The following PCBP2 variants were observed in gnomAD, a reference collection of about 807,000 sequenced individuals.
PCBP2 encodes the protein poly(rC) binding protein 2.
Under a neutral mutation model 50.1 loss-of-function variants are expected in PCBP2, and 4 were observed. The ratio of observed to expected loss-of-function variants is 0.08; its 90% confidence interval spans 0.04 to 0.18. The LOEUF (loss-of-function observed/expected upper bound fraction) is 0.18, where lower values mean the gene tolerates loss of function less well. PCBP2 is among the 10% of genes least tolerant of loss of function. The probability of loss-of-function intolerance (pLI) is 1.00; values close to 1 mark genes in which losing one functional copy is unlikely to be tolerated. For synonymous variants in PCBP2, 179 were observed against 168.0 expected, an observed-to-expected ratio of 1.07 and a Z score of -0.51; for missense variants, 161 against 474.3, an observed-to-expected ratio of 0.34 and a Z score of 6.14.
Position 53,479,696 on chromosome 12 carries a change from T to G in PCBP2, c.*254T>G. 1 of 387,416 alleles carries G rather than the reference T, an allele frequency of 2.6e-6. No individual in the cohort carries two copies. Among genetic ancestry groups the G allele is most frequent in the Non-Finnish European group, 4.6e-6 (1 of 216,194 alleles). The allele number at this position is 387,416 out of a possible 1,614,324, so 24.0% of individuals were successfully genotyped here. A position where few individuals can be genotyped will look rare whatever the true frequency, so the allele number is the denominator to read the frequency against. On this transcript the variant is annotated 3_prime_UTR_variant, in exon 15 of 15. Coordinates refer to ENST00000546463, the MANE Select transcript of PCBP2 (RefSeq NM_031989.5). ...GTTTTTTTTTTTTGGCTCATGAATT[T>G]TTCTGTTTGTCATGGAAATGTAAGA...
chr12:53,467,556 A>G (rs996953878), intron 11 of PCBP2: 3 of 614,510 alleles, frequency 4.9e-6, no homozygotes, highest in African/African-American at 3.7e-5. Flanking sequence ...GGCAAAGGGT[A>G]GGCTGATATT....
chr12:53,460,357 C>G (rs1316897149), intron 6 of PCBP2: 1 of 389,664 alleles, frequency 2.6e-6, no homozygotes, highest in Admixed American at 3.0e-5. Context: ...TTTGCTCAGG[C>G]TGGTCTCCAA....
chr12:53,467,712 G>C, intron 11 of PCBP2, 93 bp from the exon 12 acceptor site: 4 of 987,238 alleles, frequency 4.1e-6, no homozygotes. Context: ...TTTTTATTTT[G>C]TTTCGTTTTT....
chr12:53,460,253 C>A (rs1013678648), intron 6 of PCBP2: 2 of 233,058 alleles, frequency 8.6e-6, no homozygotes, highest in African/African-American at 4.7e-5. Flanking sequence ...ACCCTCCTAC[C>A]TCAAGCCTCC....
At chr12:53,467,754 G>A (rs377322681) in intron 11 of PCBP2, 51 bp from the exon 12 acceptor site, 79 of 1,447,036 alleles carry the variant, frequency 5.5e-5, no homozygotes, top group Middle Eastern at 1.8e-4. Flanking sequence ...TAACTTGTCC[G>A]ATAGGGTTAG....
At chr12:53,468,467 T>C in intron 12 of PCBP2, 1 of 381,874 alleles carries the variant, frequency 2.6e-6, no homozygotes, top group East Asian at 5.2e-5. Flanking sequence ...AGGACTTGTT[T>C]AGACATTGGT....
Position 53,480,863 on chromosome 12 carries a change from TATTTG to T in PCBP2, c.*1422_*1426del, listed in dbSNP as rs1943006152. On this transcript the variant is annotated 3_prime_UTR_variant, in exon 15 of 15. Transcript: ENST00000546463. Reference sequence around the variant, plus strand: ...CACCGCCCCTCCCCCCACCCCCTATTATTTGGGGATAAAGAATATAAAGACAACCC... The same window carrying T: ...CACCGCCCCTCCCCCCACCCCCTATTGGGATAAAGAATATAAAGACAACCC... The T allele has an allele frequency of 6.6e-6, 1 of 150,594 alleles. No individual in the cohort carries two copies. The highest frequency in any genetic ancestry group is 2.1e-4 in the South Asian group (1 of 4,654). 9.3% of individuals were successfully genotyped at this position (150,594 alleles called of 1,614,324 possible).
intron 14 of PCBP2, among the ~76,000 whole-genome samples, chr12:53,474,585 G>A (rs1942449883): frequency 6.6e-6 from 1 of 152,212 alleles, no homozygotes; most frequent in Admixed American, 6.5e-5. Flanking sequence ...TTGGGTCAGT[G>A]TGTCAGATAC....
chr12:53,463,346 G>A (rs1941585607), intron 8 of PCBP2, among the ~76,000 whole-genome samples: 1 of 152,174 alleles, frequency 6.6e-6, no homozygotes, highest in Non-Finnish European at 1.5e-5. Context: ...TATTTGAGGA[G>A]TAGGTAGATC....
At chr12:53,471,846 C>G in intron 14 of PCBP2, 39 bp downstream of exon 14, 3 of 1,575,236 alleles carry the variant, frequency 1.9e-6, no homozygotes, top group Non-Finnish European at 2.6e-6. Context: ...TATGCCAACA[C>G]AGTAATGTGT....
chr12:53,468,734 G>T, intron 12 of PCBP2, 43 bp from the exon 13 acceptor site: 1 of 1,466,748 alleles, frequency 6.8e-7, no homozygotes, highest in Admixed American at 1.7e-5. Flanking sequence ...GTGAGGTTTT[G>T]AATGCTGTGC....
rs1258844836 is a variant in PCBP2, at chr12:53,454,844, C to T, written c.44C>T (p.Thr15Ile). 6.2e-7 allele frequency: 1 copy of T among 1,614,022 alleles called. No homozygotes were observed. Among genetic ancestry groups the T allele is most frequent in the Non-Finnish European group, 8.5e-7 (1 of 1,179,986 alleles). ...VIEGGLNVTL[T>I]IRLLMHGKEV... ...GAAGGTGGATTAAATGTCACTCTCACCATCCGGCTACTTATGCATGGAAAG... is the reference window on the plus strand; with the variant it reads ...GAAGGTGGATTAAATGTCACTCTCATCATCCGGCTACTTATGCATGGAAAG... Residue 15 changes from threonine (T) to isoleucine (I), a missense_variant, in exon 2 of 15, where the codon ACC (threonine) becomes ATC (isoleucine). This residue lies in a region of PCBP2 where 7 missense variants were observed against 67.4 expected (regional missense o/e 0.10). Coordinates refer to ENST00000546463, the MANE Select transcript of PCBP2 (RefSeq NM_031989.5).
chr12:53,455,530 A>G (rs758892227), intron 4 of PCBP2, 37 bp downstream of exon 4: 6 of 1,603,996 alleles, frequency 3.7e-6, no homozygotes, highest in Non-Finnish European at 4.3e-6. Context: ...AACTTTGGGA[A>G]GTAAAAAACC....
intron 8 of PCBP2, among the ~76,000 whole-genome samples, chr12:53,463,481 TAAAC>T (rs1941595225): frequency 6.6e-6 from 1 of 152,226 alleles, no homozygotes; most frequent in Non-Finnish European, 1.5e-5. Flanking sequence ...GTTTTGTCAT[TAAAC>T]AATAGAGTAT....
Position 53,480,925 on chromosome 12 carries a change from T to C in PCBP2, c.*1483T>C. ...TTCTATTGCCTTGTTGCTTGCTGAA[T>C]ATAAGGAATGGGGTGGGGCAGGAAG... On this transcript the variant is annotated 3_prime_UTR_variant, in exon 15 of 15. Transcript: ENST00000546463. 1 of 156,788 alleles carries C rather than the reference T, an allele frequency of 6.4e-6. No homozygotes were observed. Among genetic ancestry groups the C allele is most frequent in the Non-Finnish European group, 1.4e-5 (1 of 72,026 alleles). The allele number at this position is 156,788 out of a possible 1,614,324, so 9.7% of individuals were successfully genotyped here.
At chr12:53,470,636 G>A in intron 13 of PCBP2, among the ~76,000 whole-genome samples, 1 of 151,872 alleles carries the variant, frequency 6.6e-6, no homozygotes, top group East Asian at 1.9e-4. Context: ...GCAAGTGATT[G>A]GCCTGCCTCA....
At chr12:53,476,843 C>T (rs1456926596) in intron 14 of PCBP2, among the ~76,000 whole-genome samples, 1 of 152,114 alleles carries the variant, frequency 6.6e-6, no homozygotes, top group African/African-American at 2.4e-5. Flanking sequence ...AGCTCTCTCC[C>T]TTGGTAAGCT....
At chr12:53,469,804 C>G (rs989146928) in intron 13 of PCBP2, among the ~76,000 whole-genome samples, 10 of 143,390 alleles carry the variant, frequency 7.0e-5, no homozygotes, top group African/African-American at 2.3e-4. Flanking sequence ...CTCTGTTTCC[C>G]AGGCTTGGCT....
intron 8 of PCBP2, 164 bp from the exon 9 acceptor site, chr12:53,464,595 CT>C (rs770661913): frequency 9.1e-3 from 7,813 of 854,518 alleles, no homozygotes; most frequent in East Asian, 0.011. Flanking sequence ...CACTAGGTAA[CT>C]TTTTTTTTTA....
Sources: allele counts gnomAD v4.1 joint callset (sites outside exome capture counted in the v4.1 genomes callset), GRCh38; gene constraint gnomAD v4.1.1; regional missense constraint gnomAD v4.1.1; transcripts MANE v1.5; gene names NCBI Gene and HGNC (gene_info 2026-07-23, HGNC 2026-07-21).